The following MOB2 variants were observed in gnomAD, a reference collection of about 807,000 sequenced individuals.
The protein encoded by MOB2 is MOB2 Mps One Binder homolog.
MOB2 carries 14 observed loss-of-function variants against 27.4 expected under a neutral mutation model. That is an observed-to-expected ratio of 0.51 (90% CI 0.34 to 0.80). MOB2 has a LOEUF of 0.80. Ranked by LOEUF, MOB2 falls within the 30% of genes least tolerant of loss-of-function variation. The pLI is 0.01. For synonymous variants in MOB2, 167 were observed against 151.8 expected (o/e 1.10, Z -0.74); for missense variants, 304 against 354.6 (o/e 0.86, Z 1.15).
At chr11:1,471,244 T>C in intron 4 of MOB2, 51 bp downstream of exon 4, 1 of 1,573,340 alleles carries the variant, frequency 6.4e-7, no homozygotes, top group Non-Finnish European at 8.6e-7. Context: ...ACGTCCTGAA[T>C]GCTCCCTGCC....
chr11:1,482,662 C>CG (rs1332952091), intron 1 of MOB2, among the ~76,000 whole-genome samples: 1 of 152,254 alleles, frequency 6.6e-6, no homozygotes, highest in Admixed American at 6.5e-5. Context: ...CAGGGCTGGC[C>CG]GGGCCCCGGA....
Position 1,469,964 on chromosome 11 carries a change from C to T in MOB2, c.*208G>A. Reference sequence around the variant, plus strand: ...GAATGGGCCCAAAGGCTCTTCTCTACAAACGGCACGCATCCATCCGACAGG... The same window carrying T: ...GAATGGGCCCAAAGGCTCTTCTCTATAAACGGCACGCATCCATCCGACAGG... On this transcript the variant is annotated 3_prime_UTR_variant, in exon 5 of 5. Coordinates refer to ENST00000329957, the MANE Select transcript of MOB2 (RefSeq NM_001172223.3). 1 of 1,274,700 alleles carries T rather than the reference C, an allele frequency of 7.8e-7. No homozygotes were observed. Among genetic ancestry groups the T allele is most frequent in the Non-Finnish European group, 1.1e-6 (1 of 908,974 alleles). 79.0% of individuals were successfully genotyped at this position (1,274,700 alleles called of 1,614,324 possible).
intron 1 of MOB2, among the ~76,000 whole-genome samples, chr11:1,484,363 ACGC>A (rs1359329666): frequency 6.6e-6 from 1 of 152,122 alleles, no homozygotes; most frequent in African/African-American, 2.4e-5. Context: ...CCCGCAGGTG[ACGC>A]CTCTGAGGAG....
rs770266163 is a variant in MOB2, at chr11:1,480,507, C to T, written c.272-21G>A. 1.3e-5 allele frequency: 21 copies of T among 1,611,492 alleles called. No individual in the cohort carries two copies. In the South Asian group the frequency reaches 2.1e-4, roughly 16 times the overall value. On this transcript the variant is annotated intron_variant, in intron 2 of 4. Coordinates refer to ENST00000329957, the MANE Select transcript of MOB2 (RefSeq NM_001172223.3). ...CGTGGCTGGAAGAGAAGAGAAGGAG[C>T]CAGATGTGAAAAACGCCAGAGCTGA...
intron 1 of MOB2, among the ~76,000 whole-genome samples, 161 bp downstream of exon 1, chr11:1,486,286 G>A (rs900119421): frequency 6.6e-6 from 1 of 152,184 alleles, no homozygotes. Context: ...GACAGCTTGC[G>A]TGTGGCCCAG....
chr11:1,469,454 C>T (rs1028096173), downstream of MOB2: 1 of 416,504 alleles, frequency 2.4e-6, no homozygotes, highest in Admixed American at 2.5e-5. Flanking sequence ...CGTACACAGG[C>T]TCTGACCTGA....
In MOB2 at chr11:1,469,897, A is replaced by G; in HGVS notation, c.*275T>C. 1 of 761,614 alleles carries G rather than the reference A, an allele frequency of 1.3e-6. No homozygotes were observed. The highest frequency in any genetic ancestry group is 2.2e-6 in the Non-Finnish European group (1 of 445,796). 47.2% of individuals were successfully genotyped at this position (761,614 alleles called of 1,614,324 possible). On this transcript the variant is annotated 3_prime_UTR_variant, in exon 5 of 5. Transcript: ENST00000329957. The stretch of plus-strand genomic sequence containing the variant: ...CAGAGAAAGGAAAACCCCACAGAAG[A>G]AAACTCAAAGCATCAGTCCCATGCG...
intron 3 of MOB2, among the ~76,000 whole-genome samples, chr11:1,473,718 T>C (rs967975755): frequency 6.6e-6 from 1 of 152,248 alleles, no homozygotes; most frequent in Non-Finnish European, 1.5e-5. Flanking sequence ...TTCCTGTACT[T>C]CTTCAATTAT....
intron 3 of MOB2, among the ~76,000 whole-genome samples, chr11:1,473,918 G>A (rs945492303): frequency 6.6e-5 from 10 of 152,246 alleles, no homozygotes; most frequent in African/African-American, 2.4e-4. Flanking sequence ...GGATCCTCCC[G>A]ATCTGGGCCC....
chr11:1,473,771 CA>C (rs1590762473), intron 3 of MOB2, among the ~76,000 whole-genome samples: 2 of 152,374 alleles, frequency 1.3e-5, no homozygotes, highest in African/African-American at 4.8e-5. Context: ...TTTTTATCCA[CA>C]TGTGGACTCA....
rs777745822 is a variant in MOB2, at chr11:1,471,414, T to C, written c.371A>G (p.Tyr124Cys). 2 of 1,611,872 alleles carry C rather than the reference T, an allele frequency of 1.2e-6. No individual in the cohort carries two copies. The highest frequency in any genetic ancestry group is 1.7e-5 in the Admixed American group (1 of 59,912). The change falls in exon 4 of 5, where the codon TAC becomes TGC. Residue 124 changes from tyrosine (Y) to cysteine (C), a missense_variant. Physicochemically the swap from Tyr to Cys is radical, Grantham distance 194. Transcript: ENST00000329957. Reference protein sequence around the residue: ...CQTMAVCNTQYYWYDERGKKV... With the variant: ...CQTMAVCNTQCYWYDERGKKV... The stretch of plus-strand genomic sequence containing the variant: ...CTTCCCCCGCTCGTCATACCAGTAG[T>C]ACTGTCTGTGGAGACAGAGACACGG...
intron 1 of MOB2, among the ~76,000 whole-genome samples, chr11:1,484,583 A>C (rs1847951107): frequency 6.6e-6 from 1 of 152,066 alleles, no homozygotes; most frequent in African/African-American, 2.4e-5. Flanking sequence ...CCCAGGGTGC[A>C]CGCCACGGGC....
At chr11:1,474,550 T>C (rs1456756505) in intron 3 of MOB2, among the ~76,000 whole-genome samples, 24 of 152,272 alleles carry the variant, frequency 1.6e-4, no homozygotes, top group Admixed American at 1.4e-3. Flanking sequence ...AGCAGCATTT[T>C]TGAACAGACT....
At chr11:1,472,763 C>T (rs752072067) in intron 3 of MOB2, 13 of 154,262 alleles carry the variant, frequency 8.4e-5, no homozygotes, top group Non-Finnish European at 1.7e-4. Context: ...ACGGGGGGCT[C>T]GCCCACTTCC....
intron 3 of MOB2, among the ~76,000 whole-genome samples, chr11:1,477,938 T>C (rs1847870105): frequency 6.6e-6 from 1 of 152,242 alleles, no homozygotes; most frequent in South Asian, 2.1e-4. Context: ...TCTCATTCCT[T>C]ATGGTATTTC....
At chr11:1,480,574 C>A in intron 2 of MOB2, 88 bp from the exon 3 acceptor site, 1 of 1,544,462 alleles carries the variant, frequency 6.5e-7, no homozygotes, top group Non-Finnish European at 8.9e-7. Context: ...GGTGCAGGAG[C>A]TCGGCTGGGT....
At chr11:1,482,828 C>A (rs1160408943) in intron 1 of MOB2, among the ~76,000 whole-genome samples, 1 of 152,228 alleles carries the variant, frequency 6.6e-6, no homozygotes, top group Non-Finnish European at 1.5e-5. Context: ...GCTGTGCGGG[C>A]ACCAACAGAG....
At chr11:1,480,568 C>A in intron 2 of MOB2, 82 bp from the exon 3 acceptor site, 1 of 1,550,072 alleles carries the variant, frequency 6.5e-7, no homozygotes. Flanking sequence ...GCAACAGGTG[C>A]AGGAGCTCGG....
In MOB2 at chr11:1,471,439, G is replaced by A. The variant is rs377508853; in HGVS notation, c.366-20C>T. 3 of 1,603,118 alleles carry A rather than the reference G, an allele frequency of 1.9e-6. No individual in the cohort carries two copies. Among genetic ancestry groups the A allele is most frequent in the Non-Finnish European group, 2.6e-6 (3 of 1,173,622 alleles). ...TACTGTCTGTGGAGACAGAGACACG[G>A]TCAGGGCATGCGCCCGCTGCACACC... On this transcript the variant is annotated intron_variant, in intron 3 of 4. Transcript: ENST00000329957.
Sources: allele counts gnomAD v4.1 joint callset (sites outside exome capture counted in the v4.1 genomes callset), GRCh38; gene constraint gnomAD v4.1.1; transcripts MANE v1.5; gene names NCBI Gene and HGNC (gene_info 2026-07-23, HGNC 2026-07-21).